NFASC: variants seen among roughly 807,000 people sequenced by gnomAD.
NFASC encodes neurofascin homolog.
A neutral mutation model predicts 147.5 loss-of-function variants in NFASC; 43 were observed. The ratio of observed to expected loss-of-function variants is 0.29; its 90% CI spans 0.23 to 0.38. NFASC has a LOEUF of 0.38. NFASC is among the 10% of genes least tolerant of loss of function. The pLI, the probability that NFASC is intolerant of heterozygous loss-of-function variation, is 1.00. For synonymous variants in NFASC, 622 were observed against 665.5 expected (o/e 0.93, Z 1.01); for missense variants, 1,320 against 1,689.0 (o/e 0.78, Z 3.83).
intron 2 of NFASC, among the ~76,000 whole-genome samples, chr1:204,927,896 AG>A (rs1295785080): frequency 6.6e-6 from 1 of 152,136 alleles, no homozygotes; most frequent in African/African-American, 2.4e-5. Flanking sequence ...TTCCTCCCTG[AG>A]GGGAGCAGAC....
intron 3 of NFASC, among the ~76,000 whole-genome samples, chr1:204,947,922 CCACT>C (rs1360307601): frequency 2.0e-5 from 3 of 151,790 alleles, no homozygotes; most frequent in Non-Finnish European, 2.9e-5. Context: ...ACACTCACAC[CCACT>C]CACACTCACA....
intron 15 of NFASC, 127 bp from the exon 16 acceptor site, chr1:204,976,544 C>A (rs1011313693): frequency 3.0e-6 from 2 of 667,910 alleles, no homozygotes; most frequent in African/African-American, 3.8e-5. Flanking sequence ...TGAGAGGGAG[C>A]CTCATACCCC....
intron 8 of NFASC, among the ~76,000 whole-genome samples, chr1:204,959,722 CACAGAGTAGA>C (rs1351688049): frequency 6.6e-6 from 1 of 152,230 alleles, no homozygotes; most frequent in Non-Finnish European, 1.5e-5. Context: ...ATCACTGTCA[CACAGAGTAGA>C]GCAGAGGCCA....
intron 1 of NFASC, among the ~76,000 whole-genome samples, chr1:204,920,277 G>A (rs1395947645): frequency 1.3e-5 from 2 of 152,144 alleles, no homozygotes; most frequent in African/African-American, 4.8e-5. Context: ...AGATGATTAT[G>A]GGTAAATTCT....
At chr1:205,001,728 G>A (rs1428346228) in intron 26 of NFASC, among the ~76,000 whole-genome samples, 1 of 152,270 alleles carries the variant, frequency 6.6e-6, no homozygotes, top group Admixed American at 6.5e-5. Flanking sequence ...CCCAGTCAGA[G>A]CCACAGACCA....
At chr1:204,848,038 C>A (rs2075330755) in intron 1 of NFASC, among the ~76,000 whole-genome samples, 1 of 152,178 alleles carries the variant, frequency 6.6e-6, no homozygotes, top group African/African-American at 2.4e-5. Context: ...CCCCTTTGTA[C>A]TGGAAACAGT....
At chr1:204,922,138 G>C (rs1034600499) in intron 2 of NFASC, among the ~76,000 whole-genome samples, 3 of 152,240 alleles carry the variant, frequency 2.0e-5, no homozygotes, top group Middle Eastern at 3.4e-3. Context: ...ACTGGATGGG[G>C]ACAGAATCGG....
chr1:204,918,190 G>T (rs2089701115), intron 1 of NFASC, among the ~76,000 whole-genome samples: 1 of 152,096 alleles, frequency 6.6e-6, no homozygotes, highest in Non-Finnish European at 1.5e-5. Context: ...CAATAATATG[G>T]TTATTGAAAA....
chr1:204,977,548 C>A (rs559405723), intron 16 of NFASC, 133 bp from the exon 17 acceptor site: 3 of 678,210 alleles, frequency 4.4e-6, no homozygotes, highest in Non-Finnish European at 7.4e-6. Flanking sequence ...CATGGAAGGA[C>A]GGGGACAGCC....
chr1:204,987,597 C>T lies in NFASC; in HGVS notation c.2593+57C>T. The stretch of plus-strand genomic sequence containing the variant: ...ATCTGGGAACCAGAAACCCCATTCT[C>T]ACCACTTTTCCTAAGGACTCAAGGT... On this transcript the variant is annotated intron_variant, in intron 22 of 29. Transcript: ENST00000339876. This position sits in a 1 kb window ranked among gnomAD's most constrained non-coding sequence, Gnocchi z 4.4. 6.2e-7 allele frequency: 1 copy of T among 1,602,794 alleles called. No individual in the cohort carries two copies. Among genetic ancestry groups the T allele is most frequent in the South Asian group, 1.1e-5 (1 of 90,448 alleles).
Position 205,010,074 on chromosome 1 carries a change from G to A in NFASC, c.3421+386G>A, listed in dbSNP as rs188895326. The A allele has an allele frequency of 1.0e-4, 23 of 219,588 alleles. No individual in the cohort carries two copies. The East Asian group carries it at 1.4e-3, about 13-fold the overall frequency. 13.6% of individuals were successfully genotyped at this position (219,588 alleles called of 1,614,324 possible). ...AGGAAGAGAGGCATTTTCCCTAACC[G>A]TGTCCCAGAGAATGGGGAGAGGAGG... is the stretch of plus-strand genomic sequence containing the variant. On this transcript the variant is annotated intron_variant, in intron 28 of 29. Transcript: ENST00000339876. This position sits in a 1 kb window ranked among gnomAD's most constrained non-coding sequence, Gnocchi z 4.1.
In NFASC at chr1:204,968,377, G is replaced by GC. The variant is rs1321589260; in HGVS notation, c.818+21dup. ...CTCCGGGGTGTATGTGCGGTTTGCAGCCCCTCTTCTAGCCACCCTCCAGGA... is the reference window on the plus strand; with the variant it reads ...CTCCGGGGTGTATGTGCGGTTTGCAGCCCCCTCTTCTAGCCACCCTCCAGGA... On this transcript the variant is annotated intron_variant, in intron 9 of 29. Coordinates refer to ENST00000339876, the MANE Select transcript of NFASC (RefSeq NM_001005388.3). The surrounding 1 kb of genome is among the most constrained non-coding windows in gnomAD (Gnocchi z 5.4). 1 of 1,591,214 alleles carries GC rather than the reference G, an allele frequency of 6.3e-7. No individual in the cohort carries two copies. The highest frequency in any genetic ancestry group is 8.6e-7 in the Non-Finnish European group (1 of 1,159,096).
At chr1:204,902,849 C>G (rs188330676) in intron 1 of NFASC, among the ~76,000 whole-genome samples, 9 of 152,198 alleles carry the variant, frequency 5.9e-5, no homozygotes, top group Admixed American at 3.9e-4. Context: ...TCAAATGCCA[C>G]GAAGGGCCCA....
At chr1:204,976,876 C>T (rs902952295) in intron 16 of NFASC, 81 bp downstream of exon 16, 2 of 1,545,006 alleles carry the variant, frequency 1.3e-6, no homozygotes, top group East Asian at 4.6e-5. Context: ...CGGGGCAGTT[C>T]CGAGGGCAGT....
chr1:205,005,502 A>G (rs1357245837), intron 27 of NFASC, among the ~76,000 whole-genome samples: 1 of 152,196 alleles, frequency 6.6e-6, no homozygotes, highest in Admixed American at 6.5e-5. Flanking sequence ...GTTACAGCTG[A>G]GAGTGGCAAG....
intron 1 of NFASC, chr1:204,870,925 C>G: frequency 8.2e-7 from 1 of 1,226,776 alleles, no homozygotes; most frequent in South Asian, 1.4e-5. Flanking sequence ...AAAGAAGGAT[C>G]TTGCTGGGAT....
chr1:204,943,671 G>T (rs1051801409), intron 2 of NFASC, among the ~76,000 whole-genome samples: 1 of 152,178 alleles, frequency 6.6e-6, no homozygotes, highest in Non-Finnish European at 1.5e-5. Flanking sequence ...CCTTCGTCCT[G>T]GGATCAAAGG....
chr1:204,876,996 G>GTATA (rs60582969), intron 1 of NFASC, among the ~76,000 whole-genome samples: 1,374 of 74,612 alleles, frequency 0.018, 18 homozygotes, highest in Non-Finnish European at 0.024. Flanking sequence ...GGCTAAATAT[G>GTATA]TATATATATA....
intron 3 of NFASC, 49 bp downstream of exon 3, chr1:204,944,455 AGG>A: frequency 2.6e-6 from 1 of 385,426 alleles, no homozygotes; most frequent in Non-Finnish European, 5.1e-6. Flanking sequence ...TTTTGGGCAG[AGG>A]GGTGGGAGGG....
Sources: gnomAD v4.1 joint callset for allele counts (sites outside exome capture counted in the v4.1 genomes callset) on GRCh38, gnomAD v4.1.1 for gene constraint, Gnocchi (gnomAD v3.1) non-coding constraint, MANE v1.5 for transcripts, NCBI Gene and HGNC (gene_info 2026-07-23, HGNC 2026-07-21) for gene names.